Variants in SOCS6 observed in about 807,000 individuals in gnomAD.
SOCS6 encodes the protein suppressor of cytokine signaling 6, also known as STAT induced STAT inhibitor-4.
SOCS6 carries 5 observed loss-of-function variants against 27.7 expected under a neutral mutation model. That is an observed-to-expected ratio of 0.18 (90% confidence interval 0.09 to 0.38). The LOEUF is 0.38. SOCS6 is among the 10% of genes least tolerant of loss of function. The probability of loss-of-function intolerance (pLI) is 1.00; values close to 1 mark genes in which losing one functional copy is unlikely to be tolerated. For missense variants in SOCS6, 595 were observed against 688.1 expected (o/e 0.86, Z 1.51); for synonymous variants, 271 against 260.0 (o/e 1.04, Z -0.41).
chr18:70,319,026 A>G (rs191791958), intron 1 of SOCS6, among the ~76,000 whole-genome samples: 248 of 152,326 alleles, frequency 1.6e-3, no homozygotes, highest in Non-Finnish European at 2.2e-3. Context: ...TACTCCATTT[A>G]TATGTATTGG....
intron 1 of SOCS6, among the ~76,000 whole-genome samples, chr18:70,298,440 T>C (rs2062333859): frequency 6.6e-6 from 1 of 152,214 alleles, no homozygotes; most frequent in Non-Finnish European, 1.5e-5. Context: ...TGAATGGTAT[T>C]AAAAGAACTA....
At chr18:70,296,906 C>CTTTTTTTTTTTTTTT (rs375704179) in intron 1 of SOCS6, among the ~76,000 whole-genome samples, 15 of 129,150 alleles carry the variant, frequency 1.2e-4, no homozygotes, top group East Asian at 6.7e-4. Flanking sequence ...CATTTTCTTT[C>CTTTTTTTTTTTTTTT]TTTTTTTTTT....
intron 1 of SOCS6, among the ~76,000 whole-genome samples, chr18:70,297,737 CT>C (rs10713807): frequency 0.28 from 42,608 of 151,992 alleles, 7,251 homozygotes; most frequent in East Asian, 0.73. Context: ...ATAATTATTG[CT>C]TTCCAAGATT....
chr18:70,322,506 TG>T (rs1306356897), intron 1 of SOCS6, among the ~76,000 whole-genome samples: 7 of 152,172 alleles, frequency 4.6e-5, no homozygotes, highest in African/African-American at 1.4e-4. Context: ...TCTCGTGTTT[TG>T]GGGTATGGGT....
chr18:70,309,592 C>A (rs2146278420), intron 1 of SOCS6, among the ~76,000 whole-genome samples: 1 of 152,274 alleles, frequency 6.6e-6, no homozygotes, highest in South Asian at 2.1e-4. Context: ...TTACTTACCA[C>A]AATCTGCTTC....
chr18:70,325,494 G>T lies in SOCS6; in HGVS notation c.826G>T (p.Ala276Ser), dbSNP rs762157657. 4 of 1,613,994 alleles carry T rather than the reference G, an allele frequency of 2.5e-6. No individual in the cohort carries two copies. Among genetic ancestry groups the T allele is most frequent in the Non-Finnish European group, 3.4e-6 (4 of 1,180,046 alleles). Residue 276 changes from alanine (A) to serine (S), a missense_variant, in exon 2 of 2, where the codon GCC (alanine) becomes TCC (serine). Ala to Ser is a moderately conservative substitution (Grantham distance 99). Transcript: ENST00000397942. The surrounding 1 kb of genome is among the most constrained non-coding windows in gnomAD (Gnocchi z 6.3). Reference sequence around the variant, plus strand: ...TCAGGTAGACCAGGACCTAGTTGTCGCCCCAGAGATCTTCGTGGATCAGTC... The same window carrying T: ...TCAGGTAGACCAGGACCTAGTTGTCTCCCCAGAGATCTTCGTGGATCAGTC... ...ESQVDQDLVV[A>S]PEIFVDQSVN...
intron 1 of SOCS6, among the ~76,000 whole-genome samples, chr18:70,321,162 T>A (rs1276730410): frequency 6.6e-6 from 1 of 151,680 alleles, no homozygotes; most frequent in Non-Finnish European, 1.5e-5. Context: ...TAGTACCAAC[T>A]GCTCAGGAGG....
chr18:70,296,051 G>A (rs1439534752), intron 1 of SOCS6, among the ~76,000 whole-genome samples: 1 of 152,198 alleles, frequency 6.6e-6, no homozygotes, highest in Non-Finnish European at 1.5e-5. Flanking sequence ...CGAATCACAG[G>A]AGCCTCTACC....
intron 1 of SOCS6, among the ~76,000 whole-genome samples, chr18:70,297,901 T>G (rs1415854265): frequency 6.6e-6 from 1 of 152,198 alleles, no homozygotes; most frequent in Non-Finnish European, 1.5e-5. Context: ...GGGAAAAGAT[T>G]ATTTTAACTG....
In SOCS6 at chr18:70,325,446, C is replaced by T. The variant is rs750346315; in HGVS notation, c.778C>T (p.Arg260Cys). 38 of 1,613,994 alleles carry T rather than the reference C, an allele frequency of 2.4e-5. No homozygotes were observed. The highest frequency in any genetic ancestry group is 4.5e-5 in the East Asian group (2 of 44,882). Residue 260 changes from arginine to cysteine, a missense_variant, in exon 2 of 2, where the codon CGC (arginine) becomes TGC (cysteine). By Grantham distance (180) the Arg-to-Cys change is radical. Around this residue, in one of 2 missense-constraint regions of SOCS6, gnomAD observed 467 missense variants for 481.1 expected, o/e 0.97. Transcript: ENST00000397942. The surrounding 1 kb of genome is among the most constrained non-coding windows in gnomAD (Gnocchi z 6.3). ...TGCGGTTCCTCCTCAAGTGGGAGGG[C>T]GCGCTTTCCCCGAGGATGAGAGTCA... Reference protein sequence around the residue: ...VSAVPPQVGGRAFPEDESQVD... With the variant: ...VSAVPPQVGGCAFPEDESQVD...
intron 1 of SOCS6, among the ~76,000 whole-genome samples, chr18:70,317,491 TACACATATATACATACATATATAC>T (rs2062416681): frequency 6.8e-6 from 1 of 147,454 alleles, no homozygotes; most frequent in Admixed American, 6.7e-5. Context: ...CATACATATA[TACACATATATACATACATATATAC>T]ATACATATAT....
chr18:70,289,504 A>AGAGGCCGGGGCTCCGC (rs1377595718), intron 1 of SOCS6, among the ~76,000 whole-genome samples: 1 of 146,504 alleles, frequency 6.8e-6, no homozygotes. Flanking sequence ...CTCGCCGGGG[A>AGAGGCCGGGGCTCCGC]GAGGCCGGGG....
intron 1 of SOCS6, among the ~76,000 whole-genome samples, chr18:70,294,226 T>C (rs766186182): frequency 4.8e-4 from 73 of 152,294 alleles, no homozygotes; most frequent in Non-Finnish European, 8.7e-4. Flanking sequence ...AGTTAGATTA[T>C]GTTTTAAAGT....
rs751363744 is a variant in SOCS6, at chr18:70,325,424, G to A, written c.756G>A (p.Ala252=). 2.4e-5 allele frequency: 39 copies of A among 1,614,074 alleles called. 1 individual carries two copies. Among genetic ancestry groups the A allele is most frequent in the South Asian group, 1.1e-4 (10 of 91,078 alleles). The change falls in exon 2 of 2, where the codon GCG becomes GCA. Residue 252 remains alanine (A), a synonymous_variant. Transcript: ENST00000397942. The surrounding 1 kb of genome is among the most constrained non-coding windows in gnomAD (Gnocchi z 6.3). ...LDSSSPMEVS[A]VPPQVGGRAF... ...GCTCTTCTCCCATGGAAGTCTCTGCGGTTCCTCCTCAAGTGGGAGGGCGCG... is the reference window on the plus strand; with the variant it reads ...GCTCTTCTCCCATGGAAGTCTCTGCAGTTCCTCCTCAAGTGGGAGGGCGCG...
At chr18:70,298,732 A>T (rs11872989) in intron 1 of SOCS6, among the ~76,000 whole-genome samples, 66,762 of 151,990 alleles carry the variant, frequency 0.44, 15,353 homozygotes, top group East Asian at 0.76. Flanking sequence ...GTTATTTCAT[A>T]GGAGTCTCAG....
chr18:70,289,671 G>C (rs1393915646), intron 1 of SOCS6, among the ~76,000 whole-genome samples: 1 of 150,476 alleles, frequency 6.6e-6, no homozygotes, highest in African/African-American at 2.4e-5. Context: ...CTGGGACTCG[G>C]GGACGCCCCC....
At chr18:70,296,584 G>T (rs574334837) in intron 1 of SOCS6, 1 of 152,274 alleles carries the variant, frequency 6.6e-6, no homozygotes, top group Non-Finnish European at 1.5e-5. Flanking sequence ...GGTCATAGTT[G>T]TAAGTGTGTT....
At chr18:70,314,859 TTGTG>T (rs1555790121) in intron 1 of SOCS6, among the ~76,000 whole-genome samples, 1 of 106,248 alleles carries the variant, frequency 9.4e-6, no homozygotes, top group African/African-American at 3.7e-5. Context: ...AGCTCTGATT[TTGTG>T]TGTATATATA....
intron 1 of SOCS6, among the ~76,000 whole-genome samples, chr18:70,303,404 GT>G (rs202088658): frequency 3.3e-5 from 5 of 151,916 alleles, no homozygotes; most frequent in African/African-American, 9.7e-5. Flanking sequence ...ATATTTTTAT[GT>G]TTTTTTCTTT....
Sources: allele counts gnomAD v4.1 joint callset (sites outside exome capture counted in the v4.1 genomes callset), GRCh38; gene constraint gnomAD v4.1.1; regional missense constraint gnomAD v4.1.1; non-coding constraint Gnocchi (gnomAD v3.1); transcripts MANE v1.5; gene names NCBI Gene and HGNC (gene_info 2026-07-23, HGNC 2026-07-21).